MDGA2: variants seen among roughly 807,000 people sequenced by gnomAD.
MDGA2 encodes MAM domain containing glycosylphosphatidylinositol anchor 2.
A neutral mutation model predicts 117.8 loss-of-function variants in MDGA2; 40 were observed. That is an observed-to-expected ratio of 0.34 (90% CI 0.26 to 0.44). The LOEUF (loss-of-function observed/expected upper bound fraction) is 0.44. Among genes scored for constraint, MDGA2 ranks in the 20% least tolerant of loss-of-function variants. The pLI, the probability that MDGA2 is intolerant of heterozygous loss-of-function variation, is 1.00. For missense variants in MDGA2, 1,123 were observed against 1,250.6 expected (o/e 0.90, Z 1.54); for synonymous variants, 452 against 439.0 (o/e 1.03, Z -0.37).
chr14:47,665,883 G>A (rs1165963108), intron 1 of MDGA2, among the ~76,000 whole-genome samples: 1 of 141,586 alleles, frequency 7.1e-6, no homozygotes, highest in African/African-American at 2.7e-5. Flanking sequence ...CCTCCCTGAG[G>A]AGCGCGGCCC....
chr14:46,948,534 C>T (rs1885253877), intron 9 of MDGA2, among the ~76,000 whole-genome samples: 1 of 151,942 alleles, frequency 6.6e-6, no homozygotes, highest in Non-Finnish European at 1.5e-5. Flanking sequence ...CCTAAGTTGG[C>T]CTGCCTCTTG....
intron 11 of MDGA2, among the ~76,000 whole-genome samples, chr14:46,881,303 G>A (rs911421003): frequency 2.0e-5 from 3 of 152,004 alleles, no homozygotes; most frequent in Non-Finnish European, 4.4e-5. Context: ...CAACATTCTC[G>A]AAAAGGAGAA....
chr14:47,357,780 A>G (rs1347180501), intron 1 of MDGA2, among the ~76,000 whole-genome samples: 2 of 152,200 alleles, frequency 1.3e-5, no homozygotes, highest in East Asian at 3.9e-4. Context: ...CTTGTATTAC[A>G]ACAAAAATAT....
At chr14:47,455,797 G>A (rs988623823) in intron 1 of MDGA2, among the ~76,000 whole-genome samples, 1 of 151,914 alleles carries the variant, frequency 6.6e-6, no homozygotes, top group African/African-American at 2.4e-5. Flanking sequence ...AGGAGTTCAA[G>A]TCCAGCCTGG....
At chr14:47,167,232 A>C (rs1040635838) in intron 3 of MDGA2, among the ~76,000 whole-genome samples, 34 of 152,108 alleles carry the variant, frequency 2.2e-4, no homozygotes, top group Non-Finnish European at 8.8e-5. Flanking sequence ...AAGTAACTGG[A>C]TAAAACAAAT....
intron 1 of MDGA2, among the ~76,000 whole-genome samples, chr14:47,459,786 C>T (rs748998149): frequency 1.8e-4 from 28 of 152,132 alleles, no homozygotes; most frequent in African/African-American, 6.3e-4. Flanking sequence ...GGAATTAATA[C>T]CGAAATGTAC....
At chr14:47,673,134 C>A (rs1212302995) in intron 1 of MDGA2, among the ~76,000 whole-genome samples, 4 of 152,092 alleles carry the variant, frequency 2.6e-5, no homozygotes, top group African/African-American at 9.7e-5. Context: ...GCAGTGGGTA[C>A]CAGAGCTCAC....
intron 10 of MDGA2, among the ~76,000 whole-genome samples, chr14:46,899,712 A>G (rs1883212172): frequency 6.6e-6 from 1 of 152,114 alleles, no homozygotes; most frequent in Non-Finnish European, 1.5e-5. Context: ...AACAGAAGTG[A>G]TTTTGTAAGT....
rs749792680 is a variant in MDGA2 at position 47,035,081 on chromosome 14, T to A, written c.1749A>T (p.Arg583Ser). 6.2e-7 allele frequency: 1 copy of A among 1,614,160 alleles called. No individual in the cohort carries two copies. ...NVSREMSGMY[R>S]CQTSQYNGFN... Reference sequence around the variant, plus strand: ...ATCCATTGTATTGGCTGGTCTGACATCTGTACATTCCTGACATTTCCCTAG... The same window carrying A: ...ATCCATTGTATTGGCTGGTCTGACAACTGTACATTCCTGACATTTCCCTAG... Residue 583 changes from arginine (R) to serine (S), a missense_variant, in exon 8 of 17, where the codon AGA (arginine) becomes AGT (serine). By Grantham distance (110) the Arg-to-Ser change is moderately radical. Coordinates refer to ENST00000399232, the MANE Select transcript of MDGA2 (RefSeq NM_001113498.3).
At chr14:47,557,553 A>T (rs2138790563) in intron 1 of MDGA2, among the ~76,000 whole-genome samples, 1 of 152,290 alleles carries the variant, frequency 6.6e-6, no homozygotes, top group African/African-American at 2.4e-5. Flanking sequence ...ATCTGGTAGG[A>T]AAGGGAGGGG....
At chr14:46,924,417 A>G (rs1227224857) in intron 9 of MDGA2, among the ~76,000 whole-genome samples, 1 of 152,094 alleles carries the variant, frequency 6.6e-6, no homozygotes, top group African/African-American at 2.4e-5. Context: ...TGAAATAAAA[A>G]CAAAATAAGG....
In MDGA2 at chr14:47,100,242, A is replaced by T. The variant is rs117670818; in HGVS notation, c.926-3119T>A. ...CTTTAAAAGCTCATGGGCAAAAGGT[A>T]CTATATCTATGTTAGCACTTGTGTA... On this transcript the variant is annotated intron_variant, in intron 5 of 16. Coordinates refer to ENST00000399232, the MANE Select transcript of MDGA2 (RefSeq NM_001113498.3). Among the ~76,000 whole-genome samples the T allele has an allele frequency of 6.4e-3, 970 of 152,224 alleles. 8 individuals carry two copies. Among genetic ancestry groups the T allele is most frequent in the Middle Eastern group, 6.8e-3 (2 of 294 alleles).
At position 47,609,456 on chromosome 14, in the gene MDGA2, T is replaced by TATATATATATATATAG. The variant is rs1434045282; in HGVS notation, c.280+65060_280+65061insCTATATATATATATAT. On this transcript the variant is annotated intron_variant, in intron 1 of 16. Transcript: ENST00000399232. ...ATATATATATATATATATATATATA[T>TATATATATATATATAG]ATATATATAAGTTTCTTTATCTACT... Among the ~76,000 whole-genome samples the TATATATATATATATAG allele has an allele frequency of 1.0e-3, 115 of 110,160 alleles. 5 individuals carry two copies. The highest frequency in any genetic ancestry group is 1.9e-3 in the Admixed American group (21 of 11,184). 72.3% of individuals were successfully genotyped at this position (110,160 alleles called of 152,430 possible).
rs147629299 is a variant in MDGA2 at position 46,902,208 on chromosome 14, C to A, written c.2238+17804G>T. Among the ~76,000 whole-genome samples the A allele has an allele frequency of 4.3e-3, 653 of 152,162 alleles. 6 individuals carry two copies. Among genetic ancestry groups the A allele is most frequent in the African/African-American group, 0.015 (627 of 41,490 alleles). On this transcript the variant is annotated intron_variant, in intron 10 of 16. Coordinates refer to ENST00000399232, the MANE Select transcript of MDGA2 (RefSeq NM_001113498.3). The stretch of plus-strand genomic sequence containing the variant: ...TTTTTTTCAACAGTACCACCATGAC[C>A]TCAATTTTGAAAGTGTTTGCATTTG...
intron 16 of MDGA2, 54 bp from the exon 17 acceptor site, chr14:46,842,073 A>G: frequency 8.6e-7 from 1 of 1,166,992 alleles, no homozygotes; most frequent in Non-Finnish European, 1.3e-6. Context: ...TAAGCATTCC[A>G]CGTAGCTACT....
At chr14:47,241,501 T>C (rs1887039381) in intron 2 of MDGA2, among the ~76,000 whole-genome samples, 1 of 151,994 alleles carries the variant, frequency 6.6e-6, no homozygotes, top group African/African-American at 2.4e-5. Context: ...CTTTCCATTG[T>C]AAAAATTTGT....
At chr14:46,933,167 C>G (rs1020050192) in intron 9 of MDGA2, among the ~76,000 whole-genome samples, 1 of 151,930 alleles carries the variant, frequency 6.6e-6, no homozygotes, top group Non-Finnish European at 1.5e-5. Context: ...GATATATTTC[C>G]CATTGTAAAA....
intron 8 of MDGA2, among the ~76,000 whole-genome samples, chr14:46,971,891 A>ATATTT (rs1886280710): frequency 6.6e-6 from 1 of 152,188 alleles, no homozygotes; most frequent in Non-Finnish European, 1.5e-5. Context: ...TGTTATCAGT[A>ATATTT]CAATTGTTTT....
chr14:47,037,137 G>C (rs1364635180), intron 7 of MDGA2, among the ~76,000 whole-genome samples: 1 of 152,168 alleles, frequency 6.6e-6, no homozygotes, highest in Admixed American at 6.5e-5. Flanking sequence ...AGCATGCTCA[G>C]ACAATGGGAT....
Sources: allele counts gnomAD v4.1 joint callset (sites outside exome capture counted in the v4.1 genomes callset), GRCh38; gene constraint gnomAD v4.1.1; transcripts MANE v1.5; gene names NCBI Gene and HGNC (gene_info 2026-07-23, HGNC 2026-07-21).